NEMP2: variants seen among roughly 807,000 people sequenced by gnomAD.
The protein encoded by NEMP2 is UPF0571 transmembrane protein.
A neutral mutation model predicts 54.2 loss-of-function variants in NEMP2; 53 were observed. That is an observed-to-expected ratio of 0.98 (90% CI 0.78 to 1.23). NEMP2 has a LOEUF of 1.23. Among genes scored for constraint, NEMP2 ranks in the 50% most tolerant of loss-of-function variants. The pLI is 0.00. For synonymous variants in NEMP2, 197 were observed against 190.3 expected (o/e 1.04, Z -0.29); for missense variants, 455 against 511.3 (o/e 0.89, Z 1.06).
the NEMP2 span, among the ~76,000 whole-genome samples, chr2:190,639,908 A>G: frequency 1.3e-5 from 2 of 152,300 alleles, no homozygotes; most frequent in African/African-American, 2.4e-5. Context: ...TCGGCCTCCC[A>G]AAGTGCTAGG....
the NEMP2 span, among the ~76,000 whole-genome samples, chr2:190,460,807 G>C: frequency 6.6e-6 from 1 of 152,220 alleles, no homozygotes; most frequent in Non-Finnish European, 1.5e-5. Flanking sequence ...ATCCCTGCGA[G>C]TGGGAGGACT....
At chr2:190,594,533 G>A in the NEMP2 span, among the ~76,000 whole-genome samples, 1 of 152,260 alleles carries the variant, frequency 6.6e-6, no homozygotes, top group East Asian at 1.9e-4. This position sits in a 1 kb window ranked among gnomAD's most constrained non-coding sequence, Gnocchi z 5.6. Flanking sequence ...CATTAGCACA[G>A]GGCCTTGCAC....
chr2:190,556,583 T>C, the NEMP2 span, among the ~76,000 whole-genome samples: 4 of 152,156 alleles, frequency 2.6e-5, no homozygotes, highest in Non-Finnish European at 5.9e-5. Flanking sequence ...GAAAACCCCA[T>C]TGTCTCAGCC....
chr2:190,595,289 A>G, the NEMP2 span, among the ~76,000 whole-genome samples: 10 of 152,242 alleles, frequency 6.6e-5, no homozygotes. The surrounding 1 kb of genome is among the most constrained non-coding windows in gnomAD (Gnocchi z 4.0). Flanking sequence ...AAAACCTAAA[A>G]CCATAAAAAC....
chr2:190,550,950 GTATTC>G, the NEMP2 span, among the ~76,000 whole-genome samples: 1 of 152,080 alleles, frequency 6.6e-6, no homozygotes, highest in African/African-American at 2.4e-5. This position sits in a 1 kb window ranked among gnomAD's most constrained non-coding sequence, Gnocchi z 4.7. Flanking sequence ...GGTTCATATT[GTATTC>G]CTTGAGTCTC....
rs1690982968 is a variant in NEMP2 at position 190,527,537 on chromosome 2, CAT to C, written c.98-2161_98-2160del. Among the ~76,000 whole-genome samples, 1 of 152,132 alleles carries C rather than the reference CAT, an allele frequency of 6.6e-6. No homozygotes were observed. The highest frequency in any genetic ancestry group is 2.4e-5 in the African/African-American group (1 of 41,426). ...TTACTCTTCACATTATGATAAAATG[CAT>C]ATGTTTCTAAATATATCAAGAAATT... On this transcript the variant is annotated intron_variant, in intron 1 of 8. Transcript: ENST00000409150. This position sits in a 1 kb window ranked among gnomAD's most constrained non-coding sequence, Gnocchi z 4.0.
the NEMP2 span, among the ~76,000 whole-genome samples, chr2:190,612,449 C>T: frequency 2.6e-5 from 4 of 152,240 alleles, no homozygotes; most frequent in African/African-American, 7.2e-5. Context: ...CCACTGCGCC[C>T]GGCCACATCC....
chr2:190,488,566 A>G, the NEMP2 span: 6 of 1,158,290 alleles, frequency 5.2e-6, no homozygotes, highest in Non-Finnish European at 5.8e-6. The surrounding 1 kb of genome is among the most constrained non-coding windows in gnomAD (Gnocchi z 6.4). Context: ...AATCTTAAAA[A>G]TAGGTGCCTA....
chr2:190,438,135 C>A, the NEMP2 span, among the ~76,000 whole-genome samples: 1 of 151,962 alleles, frequency 6.6e-6, no homozygotes, highest in East Asian at 1.9e-4. The surrounding 1 kb of genome is among the most constrained non-coding windows in gnomAD (Gnocchi z 5.2). Context: ...TGACTCCCTG[C>A]ATTTCTGTCC....
rs182968685 is a variant in NEMP2, at chr2:190,521,878, C to T, written c.214-2695G>A. 3.3e-5 allele frequency among the ~76,000 whole-genome samples: 5 copies of T among 152,254 alleles called. No individual in the cohort carries two copies. The highest frequency in any genetic ancestry group is 1.2e-4 in the African/African-American group (5 of 41,550). On this transcript the variant is annotated intron_variant, in intron 2 of 8. Transcript: ENST00000409150. This position sits in a 1 kb window ranked among gnomAD's most constrained non-coding sequence, Gnocchi z 6.2. ...TCTCCTCTGCTTGCTCCTTCCTTCTCCCTGAACTCTTAATATAAGACTGAC... is the reference window on the plus strand; with the variant it reads ...TCTCCTCTGCTTGCTCCTTCCTTCTTCCTGAACTCTTAATATAAGACTGAC...
chr2:190,479,698 GA>G, the NEMP2 span, among the ~76,000 whole-genome samples: 1 of 152,130 alleles, frequency 6.6e-6, no homozygotes, highest in African/African-American at 2.4e-5. Context: ...TGTATCTGAT[GA>G]GAGTAAAACT....
chr2:190,457,464 G>A, the NEMP2 span, among the ~76,000 whole-genome samples: 1 of 152,186 alleles, frequency 6.6e-6, no homozygotes, highest in African/African-American at 2.4e-5. The surrounding 1 kb of genome is among the most constrained non-coding windows in gnomAD (Gnocchi z 5.1). Flanking sequence ...AGTCAAAAAT[G>A]TGCACAAAGC....
chr2:190,465,658 T>G, the NEMP2 span, among the ~76,000 whole-genome samples: 1 of 152,228 alleles, frequency 6.6e-6, no homozygotes, highest in Non-Finnish European at 1.5e-5. The surrounding 1 kb of genome is among the most constrained non-coding windows in gnomAD (Gnocchi z 4.6). Context: ...GTTCATTTGC[T>G]TGGGTTACCA....
chr2:190,455,198 A>G, the NEMP2 span, among the ~76,000 whole-genome samples: 1,663 of 152,236 alleles, frequency 0.011, 33 homozygotes, highest in African/African-American at 0.037. Flanking sequence ...AGAGACTAGT[A>G]TCATTGCTAT....
Position 190,525,452 on chromosome 2 carries a change from G to A in NEMP2, c.98-74C>T. Reference sequence around the variant, plus strand: ...AATCTTTTTTAAAAAAAGTTTGCAGGGAGGTAACAGTAGCAGTTTTAACGT... The same window carrying A: ...AATCTTTTTTAAAAAAAGTTTGCAGAGAGGTAACAGTAGCAGTTTTAACGT... On this transcript the variant is annotated intron_variant, in intron 1 of 8. Coordinates refer to ENST00000409150, the MANE Select transcript of NEMP2 (RefSeq NM_001142645.2). This position sits in a 1 kb window ranked among gnomAD's most constrained non-coding sequence, Gnocchi z 5.0. 2 of 787,176 alleles carry A rather than the reference G, an allele frequency of 2.5e-6. No homozygotes were observed. Among genetic ancestry groups the A allele is most frequent in the Non-Finnish European group, 4.1e-6 (2 of 487,872 alleles). 48.8% of individuals were successfully genotyped at this position (787,176 alleles called of 1,614,324 possible). A position where few individuals can be genotyped will look rare whatever the true frequency, so the allele number is the denominator to read the frequency against.
rs1485450779 is a variant in NEMP2, at chr2:190,527,897, T to A, written c.98-2519A>T. On this transcript the variant is annotated intron_variant, in intron 1 of 8. Coordinates refer to ENST00000409150, the MANE Select transcript of NEMP2 (RefSeq NM_001142645.2). This position sits in a 1 kb window ranked among gnomAD's most constrained non-coding sequence, Gnocchi z 4.0. ...CCTGATGATCTGAGGTGGAACAGTT[T>A]CATCCCAAAACCACCCCAACCCCAC... 6.6e-6 allele frequency among the ~76,000 whole-genome samples: 1 copy of A among 152,134 alleles called. No homozygotes were observed. The highest frequency in any genetic ancestry group is 1.5e-5 in the Non-Finnish European group (1 of 68,014).
the NEMP2 span, among the ~76,000 whole-genome samples, chr2:190,597,314 G>C: frequency 3.3e-5 from 5 of 151,564 alleles, no homozygotes; most frequent in Admixed American, 6.6e-5. This position sits in a 1 kb window ranked among gnomAD's most constrained non-coding sequence, Gnocchi z 4.7. Flanking sequence ...TGAAGAGTTA[G>C]GAATTTGGGC....
the NEMP2 span, among the ~76,000 whole-genome samples, chr2:190,425,301 T>G: frequency 1.3e-4 from 20 of 152,338 alleles, 1 homozygote; most frequent in African/African-American, 4.6e-4. This position sits in a 1 kb window ranked among gnomAD's most constrained non-coding sequence, Gnocchi z 4.3. Context: ...AGTTTCTTTG[T>G]TTTTGATCTG....
chr2:190,628,374 C>T, the NEMP2 span: 1 of 152,194 alleles, frequency 6.6e-6, no homozygotes, highest in African/African-American at 2.4e-5. This position sits in a 1 kb window ranked among gnomAD's most constrained non-coding sequence, Gnocchi z 4.1. Flanking sequence ...GTTACTGCTT[C>T]TTCACCCTCA....
Sources: allele counts gnomAD v4.1 joint callset (sites outside exome capture counted in the v4.1 genomes callset), GRCh38; gene constraint gnomAD v4.1.1; non-coding constraint Gnocchi (gnomAD v3.1); transcripts MANE v1.5; gene names NCBI Gene and HGNC (gene_info 2026-07-23, HGNC 2026-07-21).